The following SNX24 variants were observed in gnomAD, a reference collection of about 807,000 sequenced individuals.
The protein encoded by SNX24 is sorting nexin 24, also known as sorting nexin-24.
In SNX24, 22 loss-of-function variants were observed where a neutral mutation model predicts 28.7. The ratio of observed to expected loss-of-function variants is 0.77; its 90% CI spans 0.55 to 1.10. SNX24 has a LOEUF of 1.10. Among genes scored for constraint, SNX24 ranks in the 50% least tolerant of loss-of-function variants. The pLI is 0.00. For synonymous variants in SNX24, 69 were observed against 71.5 expected (o/e 0.96, Z 0.18); for missense variants, 221 against 201.1 (o/e 1.10, Z -0.60).
At chr5:122,864,295 A>G (rs1469335041) in intron 1 of SNX24, among the ~76,000 whole-genome samples, 1 of 152,192 alleles carries the variant, frequency 6.6e-6, no homozygotes, top group Non-Finnish European at 1.5e-5. Context: ...CATAGGATCC[A>G]CTGATGGATT....
chr5:122,987,941 C>T (rs1332779446), intron 3 of SNX24, among the ~76,000 whole-genome samples: 2 of 152,168 alleles, frequency 1.3e-5, no homozygotes, highest in Admixed American at 6.5e-5. Flanking sequence ...ATATAAAATA[C>T]AAGCTTTTTA....
At chr5:122,877,182 G>A (rs1050711777) in intron 1 of SNX24, among the ~76,000 whole-genome samples, 8 of 152,048 alleles carry the variant, frequency 5.3e-5, no homozygotes, top group African/African-American at 1.9e-4. Context: ...GGAGATGAGA[G>A]AATGCCCTGT....
At chr5:122,964,247 C>CAAAAAAAAAAAAAAAAAAAAA (rs34174497) in intron 3 of SNX24, among the ~76,000 whole-genome samples, 19 of 36,578 alleles carry the variant, frequency 5.2e-4, no homozygotes, top group South Asian at 1.1e-3. Flanking sequence ...GACTCCATCT[C>CAAAAAAAAAAAAAAAAAAAAA]AAAAAAAAAA....
intron 3 of SNX24, among the ~76,000 whole-genome samples, chr5:122,962,749 AGTGG>A (rs1760537128): frequency 6.6e-6 from 1 of 152,216 alleles, no homozygotes; most frequent in African/African-American, 2.4e-5. Context: ...TATTAACTCT[AGTGG>A]ATTGTGGCCC....
At chr5:122,973,628 T>C (rs1038126028) in intron 3 of SNX24, among the ~76,000 whole-genome samples, 17 of 152,204 alleles carry the variant, frequency 1.1e-4, no homozygotes, top group African/African-American at 2.9e-4. Context: ...TGATTACGTA[T>C]ATATCACTTC....
At chr5:122,963,282 T>G (rs1479854704) in intron 3 of SNX24, among the ~76,000 whole-genome samples, 1 of 152,178 alleles carries the variant, frequency 6.6e-6, no homozygotes, top group Non-Finnish European at 1.5e-5. Context: ...CCATGCTGTT[T>G]GGCGGCTCAC....
Position 122,845,615 on chromosome 5 carries a change from C to A in SNX24, c.-19C>A. On this transcript the variant is annotated 5_prime_UTR_variant, in exon 1 of 7. Transcript: ENST00000261369. ...GAGCCTGCCCCCAACTCGCCCTCAG[C>A]CGGCTGGCCGGCGCGGCCATGGAGG... 1 of 1,375,378 alleles carries A rather than the reference C, an allele frequency of 7.3e-7. No homozygotes were observed. The highest frequency in any genetic ancestry group is 2.0e-5 in the South Asian group (1 of 50,068). 85.2% of individuals were successfully genotyped at this position (1,375,378 alleles called of 1,614,324 possible).
chr5:122,954,195 C>CTG (rs1275760091), intron 3 of SNX24, among the ~76,000 whole-genome samples: 1 of 146,980 alleles, frequency 6.8e-6, no homozygotes, highest in South Asian at 2.3e-4. Context: ...CTTTCTCTCT[C>CTG]TCTATATATA....
chr5:123,016,517 A>G (rs1368596239), intron 5 of SNX24, among the ~76,000 whole-genome samples: 1 of 152,140 alleles, frequency 6.6e-6, no homozygotes, highest in African/African-American at 2.4e-5. Flanking sequence ...ACTTTATCTG[A>G]GTTATTTTTA....
chr5:122,911,557 T>G (rs246292), intron 1 of SNX24, among the ~76,000 whole-genome samples: 24,732 of 147,284 alleles, frequency 0.17, 1,666 homozygotes, highest in East Asian at 0.43. Context: ...GCCTATGTCC[T>G]GAATGGTAAT....
chr5:122,896,959 C>A (rs1274097602), intron 1 of SNX24, among the ~76,000 whole-genome samples: 2 of 152,194 alleles, frequency 1.3e-5, no homozygotes, highest in Non-Finnish European at 2.9e-5. Context: ...TGAAGTCAAG[C>A]CTCTGAACCT....
At chr5:122,871,837 A>G (rs1277881675) in intron 1 of SNX24, among the ~76,000 whole-genome samples, 4 of 152,146 alleles carry the variant, frequency 2.6e-5, no homozygotes, top group Non-Finnish European at 5.9e-5. Context: ...AAGGAGTGTC[A>G]TTGTTAAGTT....
At chr5:122,919,602 T>TA (rs1484007426) in intron 1 of SNX24, among the ~76,000 whole-genome samples, 1 of 152,136 alleles carries the variant, frequency 6.6e-6, no homozygotes, top group Non-Finnish European at 1.5e-5. Flanking sequence ...GAAAGCATAT[T>TA]AAAAATATCC....
intron 3 of SNX24, among the ~76,000 whole-genome samples, chr5:122,993,767 T>C (rs1204898264): frequency 6.6e-6 from 1 of 152,218 alleles, no homozygotes; most frequent in Non-Finnish European, 1.5e-5. Context: ...GCCCATTTAC[T>C]GCAGTGAGGA....
chr5:122,900,661 T>C (rs1757400937), intron 1 of SNX24, among the ~76,000 whole-genome samples: 1 of 151,886 alleles, frequency 6.6e-6, no homozygotes, highest in Non-Finnish European at 1.5e-5. Context: ...CCCAGCTGCT[T>C]GGGAGGCTGA....
intron 1 of SNX24, among the ~76,000 whole-genome samples, chr5:122,848,190 A>G (rs1023509382): frequency 6.6e-6 from 1 of 151,924 alleles, no homozygotes; most frequent in Non-Finnish European, 1.5e-5. Context: ...GCAGCCTTGG[A>G]CTCTTGGGCT....
chr5:122,951,434 A>G (rs531576999), intron 3 of SNX24, among the ~76,000 whole-genome samples: 3 of 152,230 alleles, frequency 2.0e-5, no homozygotes, highest in Admixed American at 1.3e-4. Flanking sequence ...TTAATTACCA[A>G]TGAAGTTATG....
At chr5:122,903,469 C>G (rs1032900222) in intron 1 of SNX24, among the ~76,000 whole-genome samples, 2 of 152,178 alleles carry the variant, frequency 1.3e-5, no homozygotes, top group African/African-American at 4.8e-5. Flanking sequence ...AACTTTTGCA[C>G]TGTGTTTTGG....
At chr5:122,974,177 G>T (rs1188387661) in intron 3 of SNX24, among the ~76,000 whole-genome samples, 1 of 152,160 alleles carries the variant, frequency 6.6e-6, no homozygotes, top group Admixed American at 6.6e-5. Context: ...ATCTCAACAG[G>T]CCCCACACCA....
Sources: gnomAD v4.1 joint callset for allele counts (sites outside exome capture counted in the v4.1 genomes callset) on GRCh38, gnomAD v4.1.1 for gene constraint, MANE v1.5 for transcripts, NCBI Gene and HGNC (gene_info 2026-07-23, HGNC 2026-07-21) for gene names.